ADCY2: variants seen among roughly 807,000 people sequenced by gnomAD.
ADCY2 encodes adenylate cyclase 2, also known as adenylate cyclase type 2.
ADCY2 carries 31 observed loss-of-function variants against 125.2 expected under a neutral mutation model. That is an observed-to-expected ratio of 0.25 (90% confidence interval 0.19 to 0.33). The LOEUF (loss-of-function observed/expected upper bound fraction) is 0.33. ADCY2 is among the 10% of genes least tolerant of loss of function. ADCY2 has a pLI of 1.00. For synonymous variants in ADCY2, 512 were observed against 548.4 expected (o/e 0.93, Z 0.93); for missense variants, 904 against 1,418.2 (o/e 0.64, Z 5.82).
chr5:7,800,273 T>C (rs1744550548), intron 20 of ADCY2: 1 of 152,258 alleles, frequency 6.6e-6, no homozygotes, highest in Admixed American at 6.5e-5. Flanking sequence ...GCTCAGTAAG[T>C]GCTGGCTATT....
At chr5:7,441,610 G>A (rs904118576) in intron 2 of ADCY2, among the ~76,000 whole-genome samples, 4 of 152,120 alleles carry the variant, frequency 2.6e-5, no homozygotes, top group Non-Finnish European at 5.9e-5. Context: ...ATTTCAAGCT[G>A]CCACTGGCTC....
chr5:7,607,542 T>C (rs748822274), intron 3 of ADCY2, among the ~76,000 whole-genome samples: 7 of 152,204 alleles, frequency 4.6e-5, no homozygotes, highest in South Asian at 2.1e-4. Context: ...TGAGGACCCA[T>C]GAGCTCTCAC....
At chr5:7,501,590 T>TGACATAG (rs1215342165) in intron 2 of ADCY2, among the ~76,000 whole-genome samples, 4 of 134,886 alleles carry the variant, frequency 3.0e-5, no homozygotes, top group Admixed American at 8.8e-5. Context: ...GGAATGATAA[T>TGACATAG]GACATAGGAT....
intron 17 of ADCY2, among the ~76,000 whole-genome samples, chr5:7,769,014 A>G (rs1303641423): frequency 6.6e-6 from 1 of 152,192 alleles, no homozygotes; most frequent in African/African-American, 2.4e-5. Context: ...ATTTCTCTCA[A>G]ACCCTATGTT....
At chr5:7,584,288 C>G (rs1736543890) in intron 3 of ADCY2, among the ~76,000 whole-genome samples, 2 of 151,956 alleles carry the variant, frequency 1.3e-5, no homozygotes, top group South Asian at 4.1e-4. Flanking sequence ...CCAAAAATAT[C>G]ATTTCGGAAA....
At chr5:7,528,475 G>A (rs1479412266) in intron 3 of ADCY2, among the ~76,000 whole-genome samples, 2 of 152,134 alleles carry the variant, frequency 1.3e-5, no homozygotes, top group Non-Finnish European at 2.9e-5. Context: ...TTTGTGGAGG[G>A]CATTGGGAGA....
intron 22 of ADCY2, among the ~76,000 whole-genome samples, chr5:7,807,063 G>C (rs990747624): frequency 3.5e-4 from 54 of 152,170 alleles, no homozygotes; most frequent in African/African-American, 1.3e-3. Flanking sequence ...CCAGCCCTTT[G>C]CTCTTGGACA....
rs74346699 is a variant in ADCY2, at chr5:7,759,509, C to G, written c.2094+1923C>G. Among the ~76,000 whole-genome samples the G allele has an allele frequency of 9.1e-3, 1,379 of 152,286 alleles. 17 individuals are homozygous for G. Among genetic ancestry groups the G allele is most frequent in the African/African-American group, 0.032 (1,325 of 41,576 alleles). On this transcript the variant is annotated intron_variant, in intron 16 of 24. Transcript: ENST00000338316. ...AGAGGTCCTGACAGGCCAGGTCCAC[C>G]GCTGGAAGCCCTCCTCCTGCCCTTC...
intron 9 of ADCY2, among the ~76,000 whole-genome samples, chr5:7,708,629 T>C (rs1364886182): frequency 6.6e-6 from 1 of 152,140 alleles, no homozygotes; most frequent in African/African-American, 2.4e-5. Flanking sequence ...ACCAATATCA[T>C]AAAATCAACA....
chr5:7,756,781 A>G (rs1743005350), intron 15 of ADCY2, among the ~76,000 whole-genome samples: 1 of 152,202 alleles, frequency 6.6e-6, no homozygotes, highest in Non-Finnish European at 1.5e-5. Flanking sequence ...GGTTGTCACT[A>G]CTGAACTGTA....
At chr5:7,454,518 A>G (rs997749873) in intron 2 of ADCY2, among the ~76,000 whole-genome samples, 1 of 152,186 alleles carries the variant, frequency 6.6e-6, no homozygotes, top group Non-Finnish European at 1.5e-5. Flanking sequence ...CTTGATTCCT[A>G]TCTTGCTGCC....
intron 3 of ADCY2, among the ~76,000 whole-genome samples, chr5:7,561,386 G>T (rs1233439959): frequency 1.3e-5 from 2 of 152,204 alleles, no homozygotes; most frequent in African/African-American, 2.4e-5. Flanking sequence ...AACATATGCA[G>T]CATGTTGCTG....
intron 4 of ADCY2, among the ~76,000 whole-genome samples, chr5:7,637,882 A>G (rs1192374250): frequency 6.6e-6 from 1 of 152,246 alleles, no homozygotes; most frequent in Admixed American, 6.5e-5. Flanking sequence ...AAGGTTGGGC[A>G]GTTTAACTAC....
At chr5:7,753,367 G>A (rs1006561630) in intron 15 of ADCY2, among the ~76,000 whole-genome samples, 2 of 152,150 alleles carry the variant, frequency 1.3e-5, no homozygotes, top group African/African-American at 2.4e-5. Context: ...AGATGATCAA[G>A]GAAGGGAGGA....
In ADCY2 at chr5:7,709,390, A is replaced by G; in HGVS notation, c.1578+3A>G. On this transcript the variant is annotated splice_donor_region_variant and intron_variant, in intron 10 of 24. Transcript: ENST00000338316. The surrounding 1 kb of genome is among the most constrained non-coding windows in gnomAD (Gnocchi z 4.4). ...AGAACGGCAAGATCAGCACCACGGTATGCCCTCCCCTGCCTCCAATGCCTG... is the reference window on the plus strand; with the variant it reads ...AGAACGGCAAGATCAGCACCACGGTGTGCCCTCCCCTGCCTCCAATGCCTG... 1 of 1,581,562 alleles carries G rather than the reference A, an allele frequency of 6.3e-7. No individual in the cohort carries two copies. The highest frequency in any genetic ancestry group is 8.6e-7 in the Non-Finnish European group (1 of 1,163,240).
chr5:7,564,740 A>C (rs1735834344), intron 3 of ADCY2, among the ~76,000 whole-genome samples: 1 of 152,174 alleles, frequency 6.6e-6, no homozygotes, highest in Non-Finnish European at 1.5e-5. Context: ...AAGGTACATT[A>C]TAAATCACTT....
At chr5:7,750,385 A>G (rs1031969254) in intron 15 of ADCY2, among the ~76,000 whole-genome samples, 4 of 152,066 alleles carry the variant, frequency 2.6e-5, no homozygotes, top group African/African-American at 9.7e-5. Flanking sequence ...GAGTCTGGTA[A>G]TTTTTCTCAT....
intron 1 of ADCY2, among the ~76,000 whole-genome samples, chr5:7,406,170 C>T (rs981156975): frequency 6.6e-6 from 1 of 152,070 alleles, no homozygotes; most frequent in Non-Finnish European, 1.5e-5. Context: ...AATTTATTCC[C>T]TTTTGAAGAA....
intron 3 of ADCY2, among the ~76,000 whole-genome samples, chr5:7,581,463 T>A (rs897582338): frequency 2.0e-5 from 3 of 151,650 alleles, no homozygotes; most frequent in Admixed American, 6.6e-5. Context: ...GAGGTATAGC[T>A]GCAAATCCAA....
Sources: allele counts gnomAD v4.1 joint callset (sites outside exome capture counted in the v4.1 genomes callset), GRCh38; gene constraint gnomAD v4.1.1; non-coding constraint Gnocchi (gnomAD v3.1); transcripts MANE v1.5; gene names NCBI Gene and HGNC (gene_info 2026-07-23, HGNC 2026-07-21).